Variants in PXK observed in about 807,000 individuals in gnomAD.
PXK encodes the protein PX domain containing serine/threonine kinase like.
In PXK, 35 loss-of-function variants were observed where a neutral mutation model predicts 84.7. The ratio of observed to expected loss-of-function variants is 0.41; its 90% CI spans 0.32 to 0.55. PXK has a LOEUF of 0.55. Among genes scored for constraint, PXK ranks in the 20% least tolerant of loss-of-function variants. The pLI is 0.21. For missense variants in PXK, 634 were observed against 699.7 expected (o/e 0.91, Z 1.06); for synonymous variants, 253 against 260.8 (o/e 0.97, Z 0.29).
At chr3:58,391,713 C>T (rs1462696382) in intron 6 of PXK, 60 bp from the exon 7 acceptor site, 20 of 1,422,542 alleles carry the variant, frequency 1.4e-5, no homozygotes, top group Non-Finnish European at 2.0e-5. Context: ...AAGGGAAAGA[C>T]AAGGAATTTT....
At position 58,397,099 on chromosome 3, in the gene PXK, A is replaced by G. The variant is rs768778487; in HGVS notation, c.883A>G (p.Met295Val). The G allele has an allele frequency of 3.1e-6, 5 of 1,614,180 alleles. No individual in the cohort carries two copies. The East Asian group carries it at 8.9e-5, about 29-fold the overall frequency. Residue 295 changes from methionine (M) to valine (V), a missense_variant, in exon 10 of 18, where the codon ATG (methionine) becomes GTG (valine). By Grantham distance (21) the Met-to-Val change is conservative. Coordinates refer to ENST00000356151, the MANE Select transcript of PXK (RefSeq NM_017771.5). This position sits in a 1 kb window ranked among gnomAD's most constrained non-coding sequence, Gnocchi z 4.7. ...PYGHLHASNV[M>V]LDGDTCRLLD... ...TGGGCATCTTCACGCCTCCAATGTG[A>G]TGCTCGATGGGGACACTTGCCGGCT...
intron 1 of PXK, among the ~76,000 whole-genome samples, chr3:58,341,784 A>G (rs1236986456): frequency 6.6e-6 from 1 of 150,830 alleles, no homozygotes; most frequent in Non-Finnish European, 1.5e-5. Context: ...GCTCACTGCA[A>G]CCTCCGCCTC....
intron 1 of PXK, 71 bp from the exon 2 acceptor site, chr3:58,365,803 T>C: frequency 1.6e-6 from 2 of 1,275,086 alleles, no homozygotes; most frequent in Non-Finnish European, 2.2e-6. Flanking sequence ...TTAAAACTTA[T>C]TTTTGATTCC....
intron 3 of PXK, among the ~76,000 whole-genome samples, chr3:58,380,670 G>T (rs919718913): frequency 2.0e-5 from 3 of 152,100 alleles, no homozygotes; most frequent in African/African-American, 7.2e-5. Flanking sequence ...AATTAGCCGG[G>T]TGCAGTGGCA....
intron 17 of PXK, among the ~76,000 whole-genome samples, chr3:58,415,978 C>CT (rs1368185788): frequency 1.3e-5 from 2 of 152,144 alleles, no homozygotes; most frequent in African/African-American, 2.4e-5. Flanking sequence ...TGCAGAAGCT[C>CT]TAAGAATTTT....
chr3:58,400,710 A>C lies in PXK; in HGVS notation c.1181+1333A>C, dbSNP rs2058428977. Among the ~76,000 whole-genome samples, 2 of 152,198 alleles carry C rather than the reference A, an allele frequency of 1.3e-5. No homozygotes were observed. The highest frequency in any genetic ancestry group is 4.8e-5 in the African/African-American group (2 of 41,446). ...TGGATCACTTGAGGTCAGGAGTTCA[A>C]GACCATCCTGGCCAACGTGTGGTGA... On this transcript the variant is annotated intron_variant, in intron 12 of 17. Coordinates refer to ENST00000356151, the MANE Select transcript of PXK (RefSeq NM_017771.5). This position sits in a 1 kb window ranked among gnomAD's most constrained non-coding sequence, Gnocchi z 4.0.
intron 4 of PXK, among the ~76,000 whole-genome samples, chr3:58,389,169 AT>A (rs985123098): frequency 2.7e-4 from 41 of 151,856 alleles, no homozygotes; most frequent in African/African-American, 8.2e-4. Flanking sequence ...AAGAGGATGG[AT>A]TTTTTTTTCC....
rs1208563791 is a variant in PXK at position 58,414,937 on chromosome 3, A to G, written c.1528+1974A>G. Reference sequence around the variant, plus strand: ...AACATTCAAGGTGCATTTACTGAGAACCTATGGTTTGCTAAGGACTGTGCT... The same window carrying G: ...AACATTCAAGGTGCATTTACTGAGAGCCTATGGTTTGCTAAGGACTGTGCT... On this transcript the variant is annotated intron_variant, in intron 17 of 17. Transcript: ENST00000356151. This position sits in a 1 kb window ranked among gnomAD's most constrained non-coding sequence, Gnocchi z 4.5. Among the ~76,000 whole-genome samples the G allele has an allele frequency of 6.6e-6, 1 of 152,120 alleles. No individual in the cohort carries two copies. The highest frequency in any genetic ancestry group is 1.9e-4 in the East Asian group (1 of 5,194).
At chr3:58,348,566 T>C (rs924400087) in intron 1 of PXK, among the ~76,000 whole-genome samples, 4 of 152,164 alleles carry the variant, frequency 2.6e-5, no homozygotes, top group Admixed American at 1.3e-4. Context: ...AAATAATATA[T>C]TTAACCCAAT....
In PXK at chr3:58,423,193, G is replaced by A. The variant is rs898239003; in HGVS notation, c.1529-1559G>A. The A allele has an allele frequency of 1.0e-5, 10 of 984,480 alleles. No homozygotes were observed. The South Asian group carries it at 3.8e-4, about 37-fold the overall frequency. The allele number at this position is 984,480 out of a possible 1,614,324, so 61.0% of individuals were successfully genotyped here. On this transcript the variant is annotated intron_variant, in intron 17 of 17. Transcript: ENST00000356151. Reference sequence around the variant, plus strand: ...CTTCAGAGGAATGCTCATCACACATGCTTATTCTCCGTTTTCCCACTTCAA... The same window carrying A: ...CTTCAGAGGAATGCTCATCACACATACTTATTCTCCGTTTTCCCACTTCAA...
chr3:58,402,069 G>A (rs1000216446), intron 12 of PXK, among the ~76,000 whole-genome samples: 1 of 152,012 alleles, frequency 6.6e-6, no homozygotes, highest in Non-Finnish European at 1.5e-5. Flanking sequence ...TAAAAAATAG[G>A]GGAGGGGCAG....
At chr3:58,348,624 T>C (rs75729741) in intron 1 of PXK, among the ~76,000 whole-genome samples, 20,828 of 152,090 alleles carry the variant, frequency 0.14, 2,274 homozygotes, top group African/African-American at 0.3. Flanking sequence ...TAAAAATTAT[T>C]ACTATGTTAG....
chr3:58,409,739 C>T lies in PXK; in HGVS notation c.1395+121C>T. ...TGCTATATCTCCTTGAAAGCTAAGA[C>T]TATTTCCAGATGACTGGGGTGCAGT... On this transcript the variant is annotated intron_variant, in intron 15 of 17. Transcript: ENST00000356151. This position sits in a 1 kb window ranked among gnomAD's most constrained non-coding sequence, Gnocchi z 4.2. The T allele has an allele frequency of 1.2e-6, 1 of 818,226 alleles. No individual in the cohort carries two copies. Among genetic ancestry groups the T allele is most frequent in the Admixed American group, 3.1e-5 (1 of 31,888 alleles). The allele number at this position is 818,226 out of a possible 1,614,324, so 50.7% of individuals were successfully genotyped here.
chr3:58,362,718 A>G (rs2098208834), intron 1 of PXK, among the ~76,000 whole-genome samples: 1 of 152,020 alleles, frequency 6.6e-6, no homozygotes, highest in Admixed American at 6.6e-5. Context: ...GAGTCCTCAT[A>G]CTTTATTTAT....
chr3:58,339,096 G>A (rs2097678709), intron 1 of PXK, among the ~76,000 whole-genome samples: 3 of 152,158 alleles, frequency 2.0e-5, no homozygotes, highest in South Asian at 4.1e-4. Flanking sequence ...TGAGATGGAC[G>A]CAGTCGGAAA....
At chr3:58,360,255 G>A (rs1226460568) in intron 1 of PXK, among the ~76,000 whole-genome samples, 1 of 152,154 alleles carries the variant, frequency 6.6e-6, no homozygotes, top group Admixed American at 6.5e-5. Flanking sequence ...AACGTTGAAT[G>A]TACCATCCTT....
intron 1 of PXK, among the ~76,000 whole-genome samples, chr3:58,349,384 C>A (rs2097880274): frequency 1.5e-5 from 2 of 136,080 alleles, no homozygotes; most frequent in Non-Finnish European, 3.0e-5. Context: ...GAGACGGAGT[C>A]TCACTCTGTC....
At chr3:58,391,389 G>A (rs935924824) in intron 6 of PXK, among the ~76,000 whole-genome samples, 169 bp downstream of exon 6, 2 of 151,960 alleles carry the variant, frequency 1.3e-5, no homozygotes, top group Non-Finnish European at 2.9e-5. Flanking sequence ...TGTGTATTTG[G>A]TTATATAAAT....
chr3:58,337,070 A>G (rs991786885), intron 1 of PXK, among the ~76,000 whole-genome samples: 3 of 152,098 alleles, frequency 2.0e-5, no homozygotes, highest in Non-Finnish European at 4.4e-5. Context: ...TCGGGCTCCT[A>G]AGGCGCAGGG....
Sources: gnomAD v4.1 joint callset for allele counts (sites outside exome capture counted in the v4.1 genomes callset) on GRCh38, gnomAD v4.1.1 for gene constraint, Gnocchi (gnomAD v3.1) non-coding constraint, MANE v1.5 for transcripts, NCBI Gene and HGNC (gene_info 2026-07-23, HGNC 2026-07-21) for gene names.